SPATS1: variants seen among roughly 807,000 people sequenced by gnomAD.
The protein encoded by SPATS1 is spermatogenesis associated serine rich 1, also known as spermatogenesis-associated serine-rich protein 1.
In SPATS1, 23 loss-of-function variants were observed where a neutral mutation model predicts 33.6. That is an observed-to-expected ratio of 0.68 (90% CI 0.49 to 0.97). The LOEUF (loss-of-function observed/expected upper bound fraction) is 0.97, where lower values mean the gene tolerates loss of function less well. Among genes scored for constraint, SPATS1 ranks in the 50% least tolerant of loss-of-function variants. The pLI is 0.00. For missense variants in SPATS1, 327 were observed against 361.0 expected, an observed-to-expected ratio of 0.91 and a Z score of 0.76; for synonymous variants, 131 against 125.6, an observed-to-expected ratio of 1.04 and a Z score of -0.29.
At chr6:44,372,023 C>T (rs996505680) in intron 7 of SPATS1, among the ~76,000 whole-genome samples, 23 of 150,204 alleles carry the variant, frequency 1.5e-4, no homozygotes, top group African/African-American at 3.4e-4. Context: ...TTTGGGAGGC[C>T]GAGGCAGGCA....
At chr6:44,359,502 T>C (rs1410208007) in intron 3 of SPATS1, among the ~76,000 whole-genome samples, 1 of 152,196 alleles carries the variant, frequency 6.6e-6, no homozygotes, top group Non-Finnish European at 1.5e-5. Flanking sequence ...TCCTTTTGTG[T>C]CTGGCTTATT....
chr6:44,354,851 C>T (rs1311130558), intron 3 of SPATS1, among the ~76,000 whole-genome samples: 12 of 152,240 alleles, frequency 7.9e-5, no homozygotes, highest in Middle Eastern at 3.4e-3. Context: ...GAGACAGGAT[C>T]TTGTTCTGTC....
intron 2 of SPATS1, among the ~76,000 whole-genome samples, chr6:44,350,800 C>T (rs906050443): frequency 1.3e-5 from 2 of 152,116 alleles, no homozygotes; most frequent in African/African-American, 2.4e-5. Context: ...TTGGCAGATT[C>T]GACCAACTGC....
chr6:44,376,554 C>T, intron 8 of SPATS1, 81 bp downstream of exon 8: 2 of 1,005,238 alleles, frequency 2.0e-6, no homozygotes, highest in Non-Finnish European at 1.5e-6. Flanking sequence ...GTAATCCCAG[C>T]ACTTTGGGAG....
chr6:44,375,143 A>G (rs1053979962), intron 7 of SPATS1, among the ~76,000 whole-genome samples: 2 of 152,174 alleles, frequency 1.3e-5, no homozygotes, highest in African/African-American at 4.8e-5. Flanking sequence ...GGGTATCTGC[A>G]TTAGCCAAGG....
chr6:44,346,665 TA>T, intron 2 of SPATS1, among the ~76,000 whole-genome samples: 1 of 152,362 alleles, frequency 6.6e-6, no homozygotes, highest in Non-Finnish European at 1.5e-5. Context: ...ATTGCAGGCA[TA>T]AGCCACCTTG....
intron 5 of SPATS1, among the ~76,000 whole-genome samples, chr6:44,366,130 T>A (rs11438038): frequency 0.48 from 66,908 of 139,094 alleles, 16,328 homozygotes; most frequent in East Asian, 0.6. Flanking sequence ...TATATATATT[T>A]TTTTTTTTTT....
chr6:44,379,372 C>T lies in SPATS1; in HGVS notation c.*2309C>T, dbSNP rs1205593460. ...TTGGGAGGCCGAGGCAGGCGGATCA[C>T]GAGGTCAGGAGATCGAGACCATCCT... On this transcript the variant is annotated 3_prime_UTR_variant, in exon 9 of 9. Coordinates refer to ENST00000674044, the MANE Select transcript of SPATS1 (RefSeq NM_001372081.1). Among the ~76,000 whole-genome samples the T allele has an allele frequency of 1.3e-5, 2 of 151,808 alleles. No homozygotes were observed. Among genetic ancestry groups the T allele is most frequent in the Non-Finnish European group, 2.9e-5 (2 of 67,962 alleles).
rs139758818 is a variant in SPATS1 at position 44,363,443 on chromosome 6, C to T, written c.574+1451C>T. 7.8e-3 allele frequency among the ~76,000 whole-genome samples: 1,194 copies of T among 152,286 alleles called. 7 individuals are homozygous for T. Among genetic ancestry groups the T allele is most frequent in the Non-Finnish European group, 0.013 (871 of 68,016 alleles). Reference sequence around the variant, plus strand: ...TACAGGTGTGAGCCACTGCAGCCAGCCTACCCTGCACTCTTGAGCTGCAAG... The same window carrying T: ...TACAGGTGTGAGCCACTGCAGCCAGTCTACCCTGCACTCTTGAGCTGCAAG... On this transcript the variant is annotated intron_variant, in intron 5 of 8. Coordinates refer to ENST00000674044, the MANE Select transcript of SPATS1 (RefSeq NM_001372081.1).
chr6:44,347,156 T>C (rs1338537667), intron 2 of SPATS1, among the ~76,000 whole-genome samples: 1 of 152,068 alleles, frequency 6.6e-6, no homozygotes, highest in African/African-American at 2.4e-5. Context: ...TTCTTACTTA[T>C]AAGTGGGAGT....
chr6:44,348,409 A>T (rs916479899), intron 2 of SPATS1, among the ~76,000 whole-genome samples: 3 of 151,070 alleles, frequency 2.0e-5, no homozygotes, highest in African/African-American at 7.3e-5. Context: ...TTCTGCTTTT[A>T]TGATTTTATT....
chr6:44,379,207 T>C lies in SPATS1; in HGVS notation c.*2144T>C, dbSNP rs1471231358. ...AAAAAAAGATTCTGCAGAGATTTCC[T>C]GGTGAGATTATCTAGGTGGCACAGG... On this transcript the variant is annotated 3_prime_UTR_variant, in exon 9 of 9. Transcript: ENST00000674044. Among the ~76,000 whole-genome samples the C allele has an allele frequency of 6.6e-6, 1 of 152,014 alleles. No homozygotes were observed. The highest frequency in any genetic ancestry group is 1.5e-5 in the Non-Finnish European group (1 of 68,008).
At chr6:44,373,122 T>G (rs1789725988) in intron 7 of SPATS1, among the ~76,000 whole-genome samples, 1 of 152,216 alleles carries the variant, frequency 6.6e-6, no homozygotes, top group Non-Finnish European at 1.5e-5. Context: ...TTACTTTCAT[T>G]TTTTTGTAAA....
Position 44,377,110 on chromosome 6 carries a change from C to G in SPATS1, c.*47C>G. On this transcript the variant is annotated 3_prime_UTR_variant, in exon 9 of 9. Transcript: ENST00000674044. ...ATGTGCTGACTGCACTCTGGCGACC[C>G]TTTTCCAGTTGATGTTTTTTGTCAT... The G allele has an allele frequency of 6.2e-7, 1 of 1,611,418 alleles. No homozygotes were observed. The highest frequency in any genetic ancestry group is 2.2e-5 in the East Asian group (1 of 44,864).
chr6:44,372,284 A>G (rs963209565), intron 7 of SPATS1, among the ~76,000 whole-genome samples: 5 of 151,414 alleles, frequency 3.3e-5, no homozygotes, highest in African/African-American at 7.3e-5. Context: ...TTGTTTGCTA[A>G]TTCTATTATT....
At chr6:44,348,824 C>T (rs1334875934) in intron 2 of SPATS1, among the ~76,000 whole-genome samples, 1 of 152,120 alleles carries the variant, frequency 6.6e-6, no homozygotes, top group Non-Finnish European at 1.5e-5. Context: ...TATGTTGAAA[C>T]CTCATCTCTA....
At chr6:44,364,907 C>T (rs750560193) in intron 5 of SPATS1, among the ~76,000 whole-genome samples, 5 of 152,064 alleles carry the variant, frequency 3.3e-5, no homozygotes, top group Non-Finnish European at 7.3e-5. Context: ...AAGCAATTCT[C>T]ATGTCTCAGC....
chr6:44,352,694 T>C, intron 2 of SPATS1, 32 bp from the exon 3 acceptor site: 1 of 1,597,974 alleles, frequency 6.3e-7, no homozygotes, highest in Non-Finnish European at 8.6e-7. Flanking sequence ...TTTTCAATAA[T>C]GTAATTAAAT....
intron 4 of SPATS1, 70 bp downstream of exon 4, chr6:44,360,640 C>A: frequency 6.4e-7 from 1 of 1,560,150 alleles, no homozygotes; most frequent in Non-Finnish European, 8.7e-7. Context: ...ATACTGTTGG[C>A]CACCCTCATC....
Sources: gnomAD v4.1 joint callset for allele counts (sites outside exome capture counted in the v4.1 genomes callset) on GRCh38, gnomAD v4.1.1 for gene constraint, MANE v1.5 for transcripts, NCBI Gene and HGNC (gene_info 2026-07-23, HGNC 2026-07-21) for gene names.